TPTE2: variants seen among roughly 807,000 people sequenced by gnomAD.
The protein encoded by TPTE2 is transmembrane phosphoinositide 3-phosphatase and tensin homolog 2.
TPTE2 carries 53 observed loss-of-function variants against 78.6 expected under a neutral mutation model. The ratio of observed to expected loss-of-function variants is 0.67; its 90% CI spans 0.54 to 0.85. The LOEUF (loss-of-function observed/expected upper bound fraction) is 0.85. Among genes scored for constraint, TPTE2 ranks in the 40% least tolerant of loss-of-function variants. The pLI, the probability that TPTE2 is intolerant of heterozygous loss-of-function variation, is 0.00. For synonymous variants in TPTE2, 175 were observed against 206.2 expected, an observed-to-expected ratio of 0.85 and a Z score of 1.30; for missense variants, 461 against 623.0, an observed-to-expected ratio of 0.74 and a Z score of 2.77.
chr13:19,483,182 A>G (rs561215309), intron 3 of TPTE2, among the ~76,000 whole-genome samples: 51 of 152,308 alleles, frequency 3.3e-4, no homozygotes, highest in Non-Finnish European at 6.0e-4. Flanking sequence ...GTGGTTGCCA[A>G]TGGTTGGAGT....
chr13:19,539,883 G>A (rs1033282754), upstream of TPTE2, among the ~76,000 whole-genome samples: 17 of 152,060 alleles, frequency 1.1e-4, no homozygotes, highest in African/African-American at 2.9e-4. Flanking sequence ...GGTGGCTCAC[G>A]CCTGTAATCC....
At chr13:19,505,723 G>A (rs1259961021), upstream of TPTE2, 2 of 152,000 alleles carry the variant, frequency 1.3e-5, no homozygotes, top group African/African-American at 2.4e-5. Context: ...TCTTTTTGCT[G>A]AGTGCTTCAC....
intron 10 of TPTE2, among the ~76,000 whole-genome samples, chr13:19,463,619 G>A (rs1879076913): frequency 6.6e-6 from 1 of 152,136 alleles, no homozygotes; most frequent in African/African-American, 2.4e-5. Flanking sequence ...CTCTTCCAAT[G>A]TTAGAGAGCT....
At chr13:19,465,404 G>A in intron 8 of TPTE2, 61 bp downstream of exon 11, 1 of 1,606,156 alleles carries the variant, frequency 6.2e-7, no homozygotes, top group Non-Finnish European at 8.5e-7. Context: ...ATCAACCCTT[G>A]CCAATGGGTC....
chr13:19,520,941 T>A (rs144792172), intron 1 of TPTE2, among the ~76,000 whole-genome samples: 283 of 152,180 alleles, frequency 1.9e-3, no homozygotes, highest in African/African-American at 6.4e-3. Flanking sequence ...CTCATTTTAT[T>A]GTAGTTGAGA....
upstream of TPTE2, chr13:19,503,366 T>C (rs1443609150): frequency 1.5e-6 from 2 of 1,361,714 alleles, no homozygotes; most frequent in Non-Finnish European, 2.0e-6. Flanking sequence ...ACTCTGCACA[T>C]AAACCAGTTA....
At chr13:19,465,383 A>G (rs1879201161) in intron 8 of TPTE2, 65 bp from the exon 12 acceptor site, 2 of 1,611,404 alleles carry the variant, frequency 1.2e-6, no homozygotes, top group South Asian at 2.2e-5. Context: ...AAAACATTAT[A>G]CAGTATAGAT....
intron 10 of TPTE2, among the ~76,000 whole-genome samples, chr13:19,459,957 T>G (rs561666339): frequency 4.6e-5 from 7 of 152,282 alleles, no homozygotes; most frequent in Middle Eastern, 3.4e-3. Context: ...GGCAGGCTAG[T>G]ATTCCAAGCC....
At chr13:19,477,795 A>G (rs1037054351) in intron 4 of TPTE2, among the ~76,000 whole-genome samples, 4 of 152,246 alleles carry the variant, frequency 2.6e-5, no homozygotes, top group African/African-American at 7.2e-5. Flanking sequence ...AAAAAAGTGT[A>G]CTATGTAAAT....
At chr13:19,445,438 A>T (rs556630116) in intron 13 of TPTE2, among the ~76,000 whole-genome samples, 1 of 152,300 alleles carries the variant, frequency 6.6e-6, no homozygotes, top group South Asian at 2.1e-4. Flanking sequence ...AGATAAAAAT[A>T]CTCAGAATTG....
intron 10 of TPTE2, among the ~76,000 whole-genome samples, chr13:19,456,402 T>C (rs1466086928): frequency 6.6e-6 from 1 of 152,134 alleles, no homozygotes; most frequent in East Asian, 1.9e-4. Context: ...GGAGAAATGC[T>C]TGAGCCCAGG....
At chr13:19,469,542 T>G (rs1879481604) in intron 6 of TPTE2, among the ~76,000 whole-genome samples, 1 of 152,210 alleles carries the variant, frequency 6.6e-6, no homozygotes, top group South Asian at 2.1e-4. Flanking sequence ...TTAAGATTGT[T>G]TCTTCTATTT....
the TPTE2 span, among the ~76,000 whole-genome samples, chr13:19,553,005 T>C: frequency 2.6e-5 from 4 of 151,418 alleles, no homozygotes; most frequent in African/African-American, 9.7e-5. Flanking sequence ...ATGTGAATGT[T>C]TTTTGTACAA....
intron 3 of TPTE2, 123 bp from the exon 7 acceptor site, chr13:19,482,670 T>A (rs1302554136): frequency 8.1e-7 from 1 of 1,229,732 alleles, no homozygotes; most frequent in Non-Finnish European, 1.1e-6. Flanking sequence ...AAACATGACT[T>A]AGCTCACTGG....
chr13:19,473,597 C>CTTTTTTTTTTT (rs34210025), intron 6 of TPTE2, among the ~76,000 whole-genome samples: 1 of 129,132 alleles, frequency 7.7e-6, no homozygotes. Context: ...TTTTAAAATG[C>CTTTTTTTTTTT]TTTTTTTTTT....
At chr13:19,472,337 T>G (rs143331564) in intron 6 of TPTE2, among the ~76,000 whole-genome samples, 9 of 152,078 alleles carry the variant, frequency 5.9e-5, no homozygotes, top group East Asian at 5.8e-4. Context: ...CCTGTAGGCA[T>G]GCATCATTGT....
the TPTE2 span, among the ~76,000 whole-genome samples, chr13:19,555,384 T>TA: frequency 2.0e-5 from 3 of 152,076 alleles, no homozygotes; most frequent in African/African-American, 7.2e-5. Context: ...ATCGGTCAAT[T>TA]AAAAAAAATT....
intron 5 of TPTE2, among the ~76,000 whole-genome samples, chr13:19,474,813 A>G (rs1402592454): frequency 6.6e-6 from 1 of 152,256 alleles, no homozygotes; most frequent in Non-Finnish European, 1.5e-5. Flanking sequence ...ATTATATTGC[A>G]TAAATCTATA....
intron 13 of TPTE2, among the ~76,000 whole-genome samples, chr13:19,439,621 A>G (rs1877359167): frequency 6.6e-6 from 1 of 152,200 alleles, no homozygotes; most frequent in Non-Finnish European, 1.5e-5. Context: ...TACCAAAATG[A>G]AAACTCAGAG....
Sources: allele counts gnomAD v4.1 joint callset (sites outside exome capture counted in the v4.1 genomes callset), GRCh38; gene constraint gnomAD v4.1.1; transcripts MANE v1.5; gene names NCBI Gene and HGNC (gene_info 2026-07-23, HGNC 2026-07-21).